Variants in NCKAP5 observed in about 807,000 individuals in gnomAD.
NCKAP5 encodes NCK associated protein 5.
In NCKAP5, 92 loss-of-function variants were observed where a neutral mutation model predicts 167.0. The observed-to-expected ratio is 0.55, with a 90% CI of 0.47 to 0.66. NCKAP5 has a LOEUF of 0.66. Ranked by LOEUF, NCKAP5 falls within the 30% of genes least tolerant of loss-of-function variation. The pLI, the probability that NCKAP5 is intolerant of heterozygous loss-of-function variation, is 0.00. For missense variants in NCKAP5, 2,378 were observed against 2,315.0 expected, an observed-to-expected ratio of 1.03 and a Z score of -0.56; for synonymous variants, 891 against 877.4, an observed-to-expected ratio of 1.02 and a Z score of -0.27.
At chr2:133,247,947 A>G (rs547874229) in intron 4 of NCKAP5, among the ~76,000 whole-genome samples, 1 of 152,366 alleles carries the variant, frequency 6.6e-6, no homozygotes, top group Non-Finnish European at 1.5e-5. Context: ...TGAGGGGATT[A>G]GCAGTCTCCC....
chr2:133,198,132 G>A (rs4953879), intron 5 of NCKAP5, among the ~76,000 whole-genome samples: 61,447 of 151,812 alleles, frequency 0.4, 14,168 homozygotes, highest in Non-Finnish European at 0.51. Context: ...ATATAGATAG[G>A]CATTATCCAA....
In NCKAP5 at chr2:132,710,593, C is replaced by T. The variant is rs137985865; in HGVS notation, c.5713+15034G>A. ...CATTTGAGCAGTCAATTTAAAGAAG[C>T]GGGGGAAAAAGGGAAAGTATAATTT... is the stretch of plus-strand genomic sequence containing the variant. On this transcript the variant is annotated intron_variant, in intron 19 of 19. Transcript: ENST00000409261. 8.1e-3 allele frequency among the ~76,000 whole-genome samples: 1,235 copies of T among 152,026 alleles called. 16 individuals carry two copies. The highest frequency in any genetic ancestry group is 0.011 in the Non-Finnish European group (758 of 67,958).
chr2:133,618,770 G>A, the NCKAP5 span, among the ~76,000 whole-genome samples: 26 of 145,070 alleles, frequency 1.8e-4, no homozygotes, highest in Non-Finnish European at 2.5e-4. Context: ...ATCTAGAACT[G>A]GAAATACCAT....
intron 5 of NCKAP5, among the ~76,000 whole-genome samples, chr2:133,162,849 G>C (rs1293434673): frequency 1.3e-5 from 2 of 152,140 alleles, no homozygotes; most frequent in Non-Finnish European, 2.9e-5. Flanking sequence ...TGTAAACAAA[G>C]TGCTTTTCAA....
At chr2:132,866,262 A>G (rs1209036270) in intron 10 of NCKAP5, among the ~76,000 whole-genome samples, 6 of 152,186 alleles carry the variant, frequency 3.9e-5, no homozygotes, top group African/African-American at 1.4e-4. Flanking sequence ...AACCCAAAAC[A>G]CTGAAGAACC....
the NCKAP5 span, among the ~76,000 whole-genome samples, chr2:133,647,376 A>AAGAAAGGAAGGAAGG: frequency 3.6e-5 from 3 of 82,482 alleles, no homozygotes; most frequent in African/African-American, 1.7e-4. Context: ...AGGAAGAAAG[A>AAGAAAGGAAGGAAGG]AAGGAAGGAA....
chr2:133,172,601 G>A (rs931423315), intron 5 of NCKAP5, among the ~76,000 whole-genome samples: 1 of 152,046 alleles, frequency 6.6e-6, no homozygotes, highest in Non-Finnish European at 1.5e-5. Flanking sequence ...CCTCCAAGTA[G>A]CTGGGATTAC....
intron 16 of NCKAP5, among the ~76,000 whole-genome samples, chr2:132,737,093 C>G (rs1314657755): frequency 6.6e-6 from 1 of 152,164 alleles, no homozygotes; most frequent in East Asian, 1.9e-4. Context: ...GGCACTACTT[C>G]CCAGTCCTTT....
chr2:133,670,838 CT>C, the NCKAP5 span, among the ~76,000 whole-genome samples: 2 of 152,176 alleles, frequency 1.3e-5, no homozygotes, highest in African/African-American at 4.8e-5. Flanking sequence ...TCAGTTTCTG[CT>C]GTTCCTGCCA....
intron 6 of NCKAP5, among the ~76,000 whole-genome samples, chr2:133,037,342 T>A (rs996560282): frequency 2.0e-5 from 3 of 152,108 alleles, no homozygotes; most frequent in Non-Finnish European, 4.4e-5. Context: ...TAGCCAAAGC[T>A]ATCCTAAGCA....
At chr2:133,596,545 T>TGA in the NCKAP5 span, 1 of 152,310 alleles carries the variant, frequency 6.6e-6, no homozygotes, top group Admixed American at 6.5e-5. Context: ...CCAGAAACTG[T>TGA]GATCACTGGA....
chr2:132,673,083 T>C lies in NCKAP5; in HGVS notation c.*206A>G. ...GAGAAGCTATCATATAAAGAATCACTCAAAGATTCCAAGTTGTCTACCCCA... is the reference window on the plus strand; with the variant it reads ...GAGAAGCTATCATATAAAGAATCACCCAAAGATTCCAAGTTGTCTACCCCA... On this transcript the variant is annotated 3_prime_UTR_variant, in exon 20 of 20. Coordinates refer to ENST00000409261, the MANE Select transcript of NCKAP5 (RefSeq NM_207363.3). 4.1e-6 allele frequency: 5 copies of C among 1,205,492 alleles called. No individual in the cohort carries two copies. Among genetic ancestry groups the C allele is most frequent in the Non-Finnish European group, 3.1e-6 (3 of 970,824 alleles). The allele number at this position is 1,205,492 out of a possible 1,614,324, so 74.7% of individuals were successfully genotyped here.
chr2:132,886,997 T>C (rs1225286397), intron 8 of NCKAP5, among the ~76,000 whole-genome samples: 1 of 152,218 alleles, frequency 6.6e-6, no homozygotes, highest in Non-Finnish European at 1.5e-5. Flanking sequence ...CCTAAGCATT[T>C]TGGATAAAGA....
chr2:132,889,357 G>A (rs1158669564), intron 8 of NCKAP5, among the ~76,000 whole-genome samples: 1 of 152,204 alleles, frequency 6.6e-6, no homozygotes, highest in African/African-American at 2.4e-5. Context: ...TTCAGGAAAC[G>A]AGGTGGAACA....
At chr2:132,728,643 T>C (rs1690695400) in intron 18 of NCKAP5, among the ~76,000 whole-genome samples, 173 bp downstream of exon 18, 2 of 152,148 alleles carry the variant, frequency 1.3e-5, no homozygotes, top group African/African-American at 4.8e-5. Flanking sequence ...GAACCCACAG[T>C]ATTCCTTAAT....
At chr2:132,875,844 CA>C (rs1161686306) in intron 9 of NCKAP5, among the ~76,000 whole-genome samples, 4 of 152,102 alleles carry the variant, frequency 2.6e-5, no homozygotes, top group Non-Finnish European at 5.9e-5. Flanking sequence ...GAAGTGTATG[CA>C]GGCACACCTG....
chr2:133,469,513 A>G (rs1318852502), intron 3 of NCKAP5, among the ~76,000 whole-genome samples: 1 of 151,898 alleles, frequency 6.6e-6, no homozygotes, highest in Non-Finnish European at 1.5e-5. Context: ...CTCGAGGAGT[A>G]TCTTTGTGGC....
rs189556418 is a variant in NCKAP5 at position 133,567,878 on chromosome 2, T to C, written c.-130+338A>G. On this transcript the variant is annotated intron_variant, in intron 1 of 19. Transcript: ENST00000409261. The stretch of plus-strand genomic sequence containing the variant: ...TGCTAAACTTTCTAGATCAGCCTAA[T>C]AGTTTTTTGGTTGGTTGTATCTCTT... Among the ~76,000 whole-genome samples the C allele has an allele frequency of 1.7e-4, 26 of 152,340 alleles. No homozygotes were observed. In the East Asian group the frequency reaches 4.6e-3, roughly 27 times the overall value.
At chr2:132,860,891 G>T (rs564890466) in intron 10 of NCKAP5, among the ~76,000 whole-genome samples, 1 of 152,218 alleles carries the variant, frequency 6.6e-6, no homozygotes, top group South Asian at 2.1e-4. Context: ...GCGATATGAA[G>T]TCAATTTAAG....
Sources: gnomAD v4.1 joint callset for allele counts (sites outside exome capture counted in the v4.1 genomes callset) on GRCh38, gnomAD v4.1.1 for gene constraint, MANE v1.5 for transcripts, NCBI Gene and HGNC (gene_info 2026-07-23, HGNC 2026-07-21) for gene names.